Variants in ZNF831 observed in about 807,000 individuals in gnomAD.
ZNF831 encodes the protein chromosome 20 open reading frame 174.
A neutral mutation model predicts 95.8 loss-of-function variants in ZNF831; 59 were observed. The observed-to-expected ratio is 0.62, with a 90% confidence interval of 0.50 to 0.77. ZNF831 has a LOEUF of 0.77. ZNF831 is among the 30% of genes least tolerant of loss of function. The pLI is 0.00. For missense variants in ZNF831, 2,205 were observed against 2,164.0 expected (o/e 1.02, Z -0.38); for synonymous variants, 961 against 925.5 (o/e 1.04, Z -0.70).
intron 4 of ZNF831, among the ~76,000 whole-genome samples, chr20:59,215,029 T>G (rs909808655): frequency 3.3e-5 from 5 of 152,234 alleles, no homozygotes; most frequent in Admixed American, 6.5e-5. Context: ...CGATGACATA[T>G]CAGCTTTGTA....
chr20:59,127,634 A>G (rs1274253073), intron 1 of ZNF831, among the ~76,000 whole-genome samples: 3 of 152,056 alleles, frequency 2.0e-5, no homozygotes, highest in Non-Finnish European at 4.4e-5. Flanking sequence ...AAGGTCTCCT[A>G]CTTTATTTTC....
intron 4 of ZNF831, among the ~76,000 whole-genome samples, chr20:59,219,932 C>T (rs892948869): frequency 4.6e-5 from 7 of 151,130 alleles, no homozygotes; most frequent in Admixed American, 3.9e-4. Context: ...GTGGGTAGGA[C>T]GATATAGTCA....
At chr20:59,152,581 T>C (rs1215604879) in intron 2 of ZNF831, among the ~76,000 whole-genome samples, 2 of 152,106 alleles carry the variant, frequency 1.3e-5, no homozygotes, top group African/African-American at 4.8e-5. Flanking sequence ...GATTGCAACG[T>C]TAAGCAAGTA....
chr20:59,239,175 T>A (rs1987170079), intron 4 of ZNF831, among the ~76,000 whole-genome samples: 1 of 152,212 alleles, frequency 6.6e-6, no homozygotes, highest in African/African-American at 2.4e-5. Context: ...CATTGACTTT[T>A]TTTTTCTTTA....
intron 5 of ZNF831, 23 bp from the exon 6 acceptor site, chr20:59,253,875 T>TTTTC: frequency 2.2e-5 from 19 of 881,864 alleles, no homozygotes; most frequent in South Asian, 1.3e-4. Context: ...CCCACTTTTT[T>TTTTC]TTTCCTTTGC....
chr20:59,129,460 T>A (rs978805082), intron 1 of ZNF831, among the ~76,000 whole-genome samples: 2 of 151,970 alleles, frequency 1.3e-5, no homozygotes, highest in African/African-American at 2.4e-5. Context: ...AACCCTCTAC[T>A]AAAAATATAA....
Position 59,191,603 on chromosome 20 carries a change from C to G in ZNF831, c.584C>G (p.Thr195Arg), listed in dbSNP as rs755332687. ...CTCTACAAGCACAGGCGGACGCAGA[C>G]GCACCTCAACAACTCCCGGCTGTCC... The part of the protein sequence containing the change: ...SNLYKHRRTQ[T>R]HLNNSRLSSE... Residue 195 changes from threonine to arginine, a missense_variant, in exon 2 of 6, where the codon ACG becomes AGG. Coordinates refer to ENST00000371030, the MANE Select transcript of ZNF831 (RefSeq NM_178457.3). 3.7e-5 allele frequency: 59 copies of G among 1,596,376 alleles called. No homozygotes were observed. Among genetic ancestry groups the G allele is most frequent in the Admixed American group, 1.7e-4 (10 of 58,654 alleles).
At chr20:59,226,099 C>A (rs1986412877) in intron 4 of ZNF831, among the ~76,000 whole-genome samples, 1 of 152,132 alleles carries the variant, frequency 6.6e-6, no homozygotes, top group African/African-American at 2.4e-5. Context: ...GGCCCCGAAC[C>A]TTCTACTTGG....
chr20:59,139,493 A>G (rs1370540247), intron 1 of ZNF831, among the ~76,000 whole-genome samples: 2 of 152,184 alleles, frequency 1.3e-5, no homozygotes, highest in African/African-American at 2.4e-5. Context: ...TGTGCTATTC[A>G]GGCCATGACA....
intron 2 of ZNF831, among the ~76,000 whole-genome samples, chr20:59,157,840 G>A (rs888587388): frequency 4.6e-5 from 7 of 152,188 alleles, no homozygotes; most frequent in African/African-American, 7.2e-5. Flanking sequence ...ATCTGGGCCA[G>A]TAAACTCTTC....
chr20:59,213,165 T>C (rs1310338727), intron 4 of ZNF831, among the ~76,000 whole-genome samples: 2 of 152,196 alleles, frequency 1.3e-5, no homozygotes, highest in African/African-American at 2.4e-5. Flanking sequence ...AAATGCGAGG[T>C]AAATAGTCCA....
chr20:59,159,261 T>C (rs141405101), upstream of ZNF831, among the ~76,000 whole-genome samples: 3 of 151,732 alleles, frequency 2.0e-5, no homozygotes, highest in African/African-American at 7.3e-5. Context: ...AGATAAGGAC[T>C]AGCAACCCAG....
intron 4 of ZNF831, among the ~76,000 whole-genome samples, chr20:59,211,065 A>AAAAC (rs753979009): frequency 0.012 from 935 of 77,578 alleles, 127 homozygotes; most frequent in African/African-American, 0.02. Flanking sequence ...AAAAAAAAAA[A>AAAAC]CAAATCCAAG....
intron 4 of ZNF831, among the ~76,000 whole-genome samples, chr20:59,240,508 A>G (rs986275137): frequency 6.6e-5 from 10 of 152,170 alleles, no homozygotes; most frequent in Non-Finnish European, 1.5e-4. Flanking sequence ...TGGTTTGAAA[A>G]TTATTTCTAG....
intron 4 of ZNF831, among the ~76,000 whole-genome samples, chr20:59,209,825 C>A (rs1278980330): frequency 1.3e-5 from 2 of 152,188 alleles, no homozygotes; most frequent in African/African-American, 4.8e-5. Flanking sequence ...CCTCTGCCTA[C>A]ATCTTCATGT....
Position 59,248,349 on chromosome 20 carries a change from A to G in ZNF831, c.4028-4629A>G, listed in dbSNP as rs1337337450. ...ACTTCCTTTTTGAAAAGGGCCATTC[A>G]TTTAAAAGCAAGTTAGTGTCCTTCC... On this transcript the variant is annotated intron_variant, in intron 4 of 5. Coordinates refer to ENST00000371030, the MANE Select transcript of ZNF831 (RefSeq NM_178457.3). 2.6e-5 allele frequency among the ~76,000 whole-genome samples: 4 copies of G among 152,376 alleles called. No individual in the cohort carries two copies. In the East Asian group the frequency reaches 5.8e-4, roughly 22 times the overall value.
rs760307933 is a variant in ZNF831 at position 59,192,445 on chromosome 20, C to A, written c.1426C>A (p.Pro476Thr). 16 of 1,604,164 alleles carry A rather than the reference C, an allele frequency of 1.0e-5. No individual in the cohort carries two copies. In the Admixed American group the frequency reaches 1.7e-4, roughly 17 times the overall value. The change falls in exon 2 of 6, where the codon CCC (proline) becomes ACC (threonine). Residue 476 changes from proline (P) to threonine (T), a missense_variant. By Grantham distance (38) the Pro-to-Thr change is conservative. Coordinates refer to ENST00000371030, the MANE Select transcript of ZNF831 (RefSeq NM_178457.3). This position sits in a 1 kb window ranked among gnomAD's most constrained non-coding sequence, Gnocchi z 5.2. Reference protein sequence around the residue: ...APGPVRSTWTPPDKSRPLFFH... With the variant: ...APGPVRSTWTTPDKSRPLFFH... ...GGGCCCCGTGCGCTCCACCTGGACG[C>A]CCCCAGACAAGTCTCGGCCCCTCTT... is the stretch of plus-strand genomic sequence containing the variant.
Position 59,254,334 on chromosome 20 carries a change from T to C in ZNF831, c.4625T>C (p.Leu1542Pro), listed in dbSNP as rs1055164954. The change falls in exon 6 of 6, where the codon CTC (leucine) becomes CCC (proline). Residue 1542 changes from leucine to proline, a missense_variant. Transcript: ENST00000371030. The surrounding 1 kb of genome is among the most constrained non-coding windows in gnomAD (Gnocchi z 4.5). ...KVTEEGRAQT[L>P]LPGRPSSGQR... ...ACAGAAGAGGGCAGAGCACAGACCC[T>C]CTTGCCAGGGAGACCTTCATCTGGA... 1.2e-6 allele frequency: 2 copies of C among 1,613,918 alleles called. No homozygotes were observed. The highest frequency in any genetic ancestry group is 1.7e-6 in the Non-Finnish European group (2 of 1,180,028).
chr20:59,192,301 C>A lies in ZNF831; in HGVS notation c.1282C>A (p.Arg428=), dbSNP rs1178999943. ...VVDDAQLDNV[R]PRKTGLSKQG... ...GGACGATGCCCAGCTGGACAACGTG[C>A]GGCCCCGGAAGACCGGGCTGTCCAA... The change falls in exon 2 of 6, where the codon CGG becomes AGG. Residue 428 remains arginine (R), a synonymous_variant. Coordinates refer to ENST00000371030, the MANE Select transcript of ZNF831 (RefSeq NM_178457.3). This position sits in a 1 kb window ranked among gnomAD's most constrained non-coding sequence, Gnocchi z 5.2. The A allele has an allele frequency of 1.3e-6, 2 of 1,589,616 alleles. No homozygotes were observed. The highest frequency in any genetic ancestry group is 2.2e-5 in the East Asian group (1 of 44,484).
Sources: allele counts gnomAD v4.1 joint callset (sites outside exome capture counted in the v4.1 genomes callset), GRCh38; gene constraint gnomAD v4.1.1; non-coding constraint Gnocchi (gnomAD v3.1); transcripts MANE v1.5; gene names NCBI Gene and HGNC (gene_info 2026-07-23, HGNC 2026-07-21).